MICU3: variants seen among roughly 807,000 people sequenced by gnomAD.
MICU3 encodes the protein mitochondrial calcium uptake 3.
MICU3 carries 62 observed loss-of-function variants against 66.5 expected under a neutral mutation model. The observed-to-expected ratio is 0.93, with a 90% CI of 0.76 to 1.15. The LOEUF (loss-of-function observed/expected upper bound fraction) is 1.15, where lower values mean the gene tolerates loss of function less well. Ranked by LOEUF, MICU3 falls within the 50% of genes most tolerant of loss-of-function variation. The pLI, the probability that MICU3 is intolerant of heterozygous loss-of-function variation, is 0.00. For synonymous variants in MICU3, 308 were observed against 240.7 expected, an observed-to-expected ratio of 1.28 and a Z score of -2.59; for missense variants, 779 against 664.4, an observed-to-expected ratio of 1.17 and a Z score of -1.90.
chr8:17,126,699 G>A (rs918525947), downstream of MICU3, among the ~76,000 whole-genome samples: 6 of 152,146 alleles, frequency 3.9e-5, no homozygotes, highest in Admixed American at 2.0e-4. Flanking sequence ...CTATGTATTC[G>A]GTGAATTTAT....
At chr8:17,134,944 CACA>C in the MICU3 span, among the ~76,000 whole-genome samples, 57 of 152,344 alleles carry the variant, frequency 3.7e-4, no homozygotes, top group African/African-American at 1.3e-3. Flanking sequence ...CGTTAACCAT[CACA>C]ACACCTTTAT....
intron 13 of MICU3, among the ~76,000 whole-genome samples, chr8:17,118,492 G>C (rs1035954783): frequency 3.9e-5 from 6 of 152,088 alleles, no homozygotes; most frequent in African/African-American, 2.4e-5. Context: ...CTGCACAATA[G>C]ATCTCAAAAT....
intron 12 of MICU3, among the ~76,000 whole-genome samples, chr8:17,114,927 G>T (rs1266062899): frequency 2.0e-5 from 3 of 151,892 alleles, no homozygotes; most frequent in African/African-American, 7.3e-5. Context: ...AGACCATCCC[G>T]GCTAAAACGG....
intron 3 of MICU3, among the ~76,000 whole-genome samples, chr8:17,074,019 T>C (rs1230097191): frequency 6.6e-6 from 1 of 151,970 alleles, no homozygotes; most frequent in African/African-American, 2.4e-5. Flanking sequence ...TGTCATTCTC[T>C]CATGAGTGTA....
At chr8:17,136,474 C>T in the MICU3 span, among the ~76,000 whole-genome samples, 11 of 152,008 alleles carry the variant, frequency 7.2e-5, no homozygotes, top group South Asian at 8.3e-4. Context: ...TTTAATCCTC[C>T]GCTGTCACCC....
intron 5 of MICU3, among the ~76,000 whole-genome samples, chr8:17,082,726 T>C (rs1214767055): frequency 6.6e-6 from 1 of 152,260 alleles, no homozygotes; most frequent in South Asian, 2.1e-4. Flanking sequence ...AGAACATCAG[T>C]AAAACTCTGT....
At chr8:17,064,061 T>G (rs1395730952) in intron 1 of MICU3, 23 bp from the exon 2 acceptor site, 1 of 1,596,766 alleles carries the variant, frequency 6.3e-7, no homozygotes, top group Admixed American at 1.7e-5. Context: ...ATCATCCAAA[T>G]GTATTTGCTT....
chr8:17,123,905 A>T (rs1363144546), downstream of MICU3, among the ~76,000 whole-genome samples: 1 of 151,160 alleles, frequency 6.6e-6, no homozygotes, highest in Admixed American at 6.6e-5. Flanking sequence ...TAGTTTTATT[A>T]AAGTTATATG....
intron 11 of MICU3, among the ~76,000 whole-genome samples, chr8:17,111,841 T>G (rs1356402365): frequency 6.6e-6 from 1 of 152,184 alleles, no homozygotes; most frequent in African/African-American, 2.4e-5. Flanking sequence ...AAAGAGATGC[T>G]TGAGACTGGG....
intron 2 of MICU3, among the ~76,000 whole-genome samples, chr8:17,067,548 G>A (rs1818909969): frequency 6.6e-6 from 1 of 151,982 alleles, no homozygotes; most frequent in Non-Finnish European, 1.5e-5. Context: ...TCCTGCCTCA[G>A]CCTCCTGAAT....
chr8:17,059,115 T>C (rs1458918778), intron 1 of MICU3, among the ~76,000 whole-genome samples: 1 of 152,216 alleles, frequency 6.6e-6, no homozygotes, highest in Non-Finnish European at 1.5e-5. Context: ...TTGGAAACTA[T>C]ATAAGCTTAA....
At chr8:17,098,379 G>A in intron 8 of MICU3, 79 bp from the exon 9 acceptor site, 1 of 970,740 alleles carries the variant, frequency 1.0e-6, no homozygotes, top group Admixed American at 1.8e-5. Flanking sequence ...TTCAAGGTTG[G>A]TTAGATTTAA....
chr8:17,128,024 C>A, the MICU3 span, among the ~76,000 whole-genome samples: 5 of 152,138 alleles, frequency 3.3e-5, no homozygotes, highest in Non-Finnish European at 7.4e-5. Context: ...GCTAGAGCAA[C>A]AGAGTTCACA....
At chr8:17,055,139 A>G (rs1816733194) in intron 1 of MICU3, among the ~76,000 whole-genome samples, 1 of 152,300 alleles carries the variant, frequency 6.6e-6, no homozygotes, top group Admixed American at 6.5e-5. Context: ...TACAACTGCA[A>G]ATAACACTAA....
intron 1 of MICU3, among the ~76,000 whole-genome samples, chr8:17,040,884 T>C (rs910974164): frequency 5.3e-5 from 8 of 152,194 alleles, no homozygotes; most frequent in African/African-American, 1.9e-4. Flanking sequence ...TCAAGGGTGT[T>C]ATTCAAGTGT....
intron 1 of MICU3, among the ~76,000 whole-genome samples, chr8:17,060,430 C>G (rs1415541048): frequency 6.6e-6 from 1 of 152,102 alleles, no homozygotes; most frequent in East Asian, 1.9e-4. Context: ...GCCTCAGCCT[C>G]CCAAGTAGCT....
At chr8:17,107,373 G>C (rs948886886) in intron 11 of MICU3, among the ~76,000 whole-genome samples, 1 of 152,082 alleles carries the variant, frequency 6.6e-6, no homozygotes, top group African/African-American at 2.4e-5. Flanking sequence ...AGGGCCTGAG[G>C]ACAGAGAAGC....
At chr8:17,044,817 G>A (rs575889177) in intron 1 of MICU3, among the ~76,000 whole-genome samples, 6 of 152,322 alleles carry the variant, frequency 3.9e-5, no homozygotes, top group Admixed American at 3.3e-4. Context: ...AGGAGCAGTT[G>A]GCTTGGGGTG....
intron 7 of MICU3, among the ~76,000 whole-genome samples, chr8:17,089,007 C>T (rs1799765866): frequency 6.6e-6 from 1 of 151,724 alleles, no homozygotes; most frequent in Admixed American, 6.6e-5. Flanking sequence ...ATGAACCATT[C>T]CCTTTCAAAT....
Sources: allele counts gnomAD v4.1 joint callset (sites outside exome capture counted in the v4.1 genomes callset), GRCh38; gene constraint gnomAD v4.1.1; transcripts MANE v1.5; gene names NCBI Gene and HGNC (gene_info 2026-07-23, HGNC 2026-07-21).